RGPD6: variants seen among roughly 807,000 people sequenced by gnomAD.
The protein encoded by RGPD6 is RANBP2-like and GRIP domain-containing protein 5/6.
chr2:110,604,103 AT>A, the RGPD6 span, among the ~76,000 whole-genome samples: 1 of 127,612 alleles, frequency 7.8e-6, no homozygotes, highest in Admixed American at 7.8e-5. Context: ...AGATCTACAT[AT>A]GTGAGTAGTA....
the RGPD6 span, among the ~76,000 whole-genome samples, chr2:110,606,027 C>T: frequency 6.6e-6 from 1 of 151,646 alleles, no homozygotes; most frequent in Non-Finnish European, 1.5e-5. Flanking sequence ...ACACACTGTC[C>T]TTTGACCCCT....
chr2:110,605,710 G>A, the RGPD6 span, among the ~76,000 whole-genome samples: 1 of 151,276 alleles, frequency 6.6e-6, no homozygotes, highest in Non-Finnish European at 1.5e-5. Flanking sequence ...GGCACTACTG[G>A]GCAGCATCCT....
the RGPD6 span, among the ~76,000 whole-genome samples, chr2:110,600,051 G>C: frequency 3.9e-5 from 6 of 152,216 alleles, no homozygotes; most frequent in South Asian, 6.2e-4. Context: ...AACTCAGCAG[G>C]CTCCAAGTCA....
the RGPD6 span, among the ~76,000 whole-genome samples, chr2:110,610,619 C>A: frequency 7.4e-6 from 1 of 135,428 alleles, no homozygotes; most frequent in South Asian, 2.3e-4. Context: ...CGGCGGCCGG[C>A]CGCCCGGAGC....
chr2:110,605,140 C>T, the RGPD6 span, among the ~76,000 whole-genome samples: 2 of 152,146 alleles, frequency 1.3e-5, no homozygotes, highest in Middle Eastern at 6.8e-3. Flanking sequence ...AAAACACGCC[C>T]CACACGAGGG....
At chr2:110,606,130 C>T in the RGPD6 span, among the ~76,000 whole-genome samples, 2 of 151,758 alleles carry the variant, frequency 1.3e-5, no homozygotes, top group East Asian at 1.9e-4. Context: ...TAGGAAATAT[C>T]GAAGTGTATC....
chr2:110,608,418 A>T, the RGPD6 span, among the ~76,000 whole-genome samples: 1 of 151,452 alleles, frequency 6.6e-6, no homozygotes, highest in Non-Finnish European at 1.5e-5. Flanking sequence ...ATGGATATGA[A>T]AGTACTGGAC....
At chr2:110,607,675 T>C in the RGPD6 span, among the ~76,000 whole-genome samples, 1 of 147,526 alleles carries the variant, frequency 6.8e-6, no homozygotes, top group Non-Finnish European at 1.5e-5. Context: ...AATTGGAAAA[T>C]GATGTCCATC....
At chr2:110,609,762 A>C in the RGPD6 span, among the ~76,000 whole-genome samples, 1 of 121,936 alleles carries the variant, frequency 8.2e-6, no homozygotes, top group Non-Finnish European at 1.7e-5. Context: ...AAGTTCCTCC[A>C]GGAATATGCA....
the RGPD6 span, among the ~76,000 whole-genome samples, chr2:110,605,555 G>A: frequency 6.6e-6 from 1 of 151,478 alleles, no homozygotes; most frequent in South Asian, 2.1e-4. Flanking sequence ...GGAGGAAAGG[G>A]TAGAGGCACC....
the RGPD6 span, among the ~76,000 whole-genome samples, chr2:110,605,346 G>A: frequency 3.3e-5 from 5 of 151,130 alleles, no homozygotes; most frequent in African/African-American, 9.8e-5. Context: ...TGAGAGCCAC[G>A]CAGTCAACTA....
the RGPD6 span, among the ~76,000 whole-genome samples, chr2:110,600,111 TGC>T: frequency 2.6e-5 from 4 of 151,174 alleles, no homozygotes; most frequent in East Asian, 5.9e-4. Flanking sequence ...TGATCACTGG[TGC>T]TCAGGCAGAA....
the RGPD6 span, among the ~76,000 whole-genome samples, chr2:110,609,815 T>G: frequency 9.5e-6 from 1 of 104,776 alleles, no homozygotes; most frequent in African/African-American, 3.7e-5. Flanking sequence ...TGGAAACATT[T>G]AAGAGATAGT....
At chr2:110,602,020 T>TA in the RGPD6 span, among the ~76,000 whole-genome samples, 1 of 110,280 alleles carries the variant, frequency 9.1e-6, no homozygotes. Flanking sequence ...CTTAGAAAGA[T>TA]AAAGTCAATA....
chr2:110,596,310 TATAA>T, the RGPD6 span, among the ~76,000 whole-genome samples: 1 of 115,940 alleles, frequency 8.6e-6, no homozygotes, highest in African/African-American at 3.6e-5. Context: ...TATCTCGTGA[TATAA>T]ATTAAGCCTG....
the RGPD6 span, among the ~76,000 whole-genome samples, chr2:110,600,721 C>G: frequency 2.8e-4 from 17 of 59,762 alleles, no homozygotes; most frequent in Non-Finnish European, 3.1e-4. Flanking sequence ...CACACATGCT[C>G]GGTTCACAAT....
At chr2:110,604,591 CA>C in the RGPD6 span, among the ~76,000 whole-genome samples, 1 of 150,870 alleles carries the variant, frequency 6.6e-6, no homozygotes, top group African/African-American at 2.5e-5. Flanking sequence ...AATAAAACAA[CA>C]AAAAAATTAT....
chr2:110,610,759 G>C, the RGPD6 span, among the ~76,000 whole-genome samples: 12 of 145,842 alleles, frequency 8.2e-5, no homozygotes, highest in Non-Finnish European at 1.8e-4. Flanking sequence ...CTAAGTCGAA[G>C]CTGTCCATGG....
At chr2:110,610,039 CG>C in the RGPD6 span, among the ~76,000 whole-genome samples, 1 of 144,822 alleles carries the variant, frequency 6.9e-6, no homozygotes. Context: ...CCGGGGCGCC[CG>C]GGTGGGGTGG....
Sources: gnomAD v4.1 joint callset for allele counts (sites outside exome capture counted in the v4.1 genomes callset) on GRCh38, gnomAD v4.1.1 for gene constraint, MANE v1.5 for transcripts, NCBI Gene and HGNC (gene_info 2026-07-23, HGNC 2026-07-21) for gene names.